The following CADPS variants were observed in gnomAD, a reference collection of about 807,000 sequenced individuals.
CADPS encodes calcium dependent secretion activator.
In CADPS, 57 loss-of-function variants were observed where a neutral mutation model predicts 167.3. That is an observed-to-expected ratio of 0.34 (90% CI 0.28 to 0.42). The LOEUF (loss-of-function observed/expected upper bound fraction) is 0.42. CADPS is among the 20% of genes least tolerant of loss of function. The pLI, the probability that CADPS is intolerant of heterozygous loss-of-function variation, is 1.00. For missense variants in CADPS, 1,414 were observed against 1,738.1 expected, an observed-to-expected ratio of 0.81 and a Z score of 3.32; for synonymous variants, 676 against 635.3, an observed-to-expected ratio of 1.06 and a Z score of -0.96.
intron 28 of CADPS, among the ~76,000 whole-genome samples, chr3:62,419,243 C>A (rs2050811871): frequency 6.6e-6 from 1 of 152,154 alleles, no homozygotes. Flanking sequence ...GCCTTGTCTG[C>A]CACCTGTGTC....
chr3:62,599,748 C>CATATATATAATA (rs2059542281), intron 6 of CADPS, among the ~76,000 whole-genome samples: 1 of 17,368 alleles, frequency 5.8e-5, no homozygotes, highest in Non-Finnish European at 9.9e-5. Context: ...TATATATAAT[C>CATATATATAATA]TATTATATAT....
chr3:62,776,101 G>T lies in CADPS; in HGVS notation c.442-10117C>A, dbSNP rs146179622. On this transcript the variant is annotated intron_variant, in intron 1 of 29. Transcript: ENST00000383710. ...GGAAAATCACCTTGCAGACTTCCAG[G>T]GTCATGTGGACTATGCTTCCAGAAC... Among the ~76,000 whole-genome samples, 1,240 of 152,226 alleles carry T rather than the reference G, an allele frequency of 8.1e-3. 19 individuals carry two copies. Among genetic ancestry groups the T allele is most frequent in the African/African-American group, 0.029 (1,188 of 41,538 alleles).
At chr3:62,660,737 ATC>A (rs2073003774) in intron 4 of CADPS, among the ~76,000 whole-genome samples, 1 of 152,216 alleles carries the variant, frequency 6.6e-6, no homozygotes, top group Admixed American at 6.5e-5. Context: ...TACAGTAGGA[ATC>A]ATCAGGAGCC....
intron 22 of CADPS, among the ~76,000 whole-genome samples, chr3:62,479,418 C>G (rs2061698985): frequency 6.6e-6 from 1 of 152,210 alleles, no homozygotes; most frequent in African/African-American, 2.4e-5. Context: ...ATAAAATGTC[C>G]AACACACCAT....
rs558697572 is a variant in CADPS at position 62,617,664 on chromosome 3, GA to G, written c.1326-24917del. 5.9e-5 allele frequency among the ~76,000 whole-genome samples: 9 copies of G among 152,206 alleles called. 1 individual carries two copies. In the South Asian group the frequency reaches 1.9e-3, roughly 32 times the overall value. ...GAGCTTATTTAATTTGGGGATGAGA[GA>G]GGGGAAGGCTGTTCAGTATCCCTGT... is the stretch of plus-strand genomic sequence containing the variant. On this transcript the variant is annotated intron_variant, in intron 6 of 29. Transcript: ENST00000383710.
intron 1 of CADPS, among the ~76,000 whole-genome samples, chr3:62,804,402 A>G (rs1321957695): frequency 1.3e-5 from 2 of 152,132 alleles, no homozygotes; most frequent in Non-Finnish European, 2.9e-5. Context: ...GATTCTGGGT[A>G]GAATAGGGCT....
intron 1 of CADPS, among the ~76,000 whole-genome samples, chr3:62,854,285 C>A (rs964553390): frequency 6.6e-6 from 1 of 152,206 alleles, no homozygotes; most frequent in African/African-American, 2.4e-5. Flanking sequence ...AACTTTCTCT[C>A]TATGCATTCC....
intron 1 of CADPS, among the ~76,000 whole-genome samples, chr3:62,814,045 A>C (rs1326164644): frequency 6.6e-6 from 1 of 152,178 alleles, no homozygotes; most frequent in Non-Finnish European, 1.5e-5. Flanking sequence ...GATACCATAG[A>C]AACTTCGAAA....
intron 3 of CADPS, among the ~76,000 whole-genome samples, chr3:62,666,145 G>T (rs1467040417): frequency 1.3e-5 from 2 of 152,128 alleles, no homozygotes; most frequent in Non-Finnish European, 2.9e-5. Flanking sequence ...AATTTCCCTG[G>T]CTTTTCTGTC....
intron 21 of CADPS, among the ~76,000 whole-genome samples, chr3:62,487,318 A>T (rs1254062787): frequency 2.0e-5 from 3 of 152,316 alleles, no homozygotes; most frequent in South Asian, 4.1e-4. Context: ...GCTTATTACC[A>T]ATGAGCTAAC....
intron 1 of CADPS, among the ~76,000 whole-genome samples, chr3:62,800,401 C>T (rs1269098826): frequency 2.0e-5 from 3 of 152,102 alleles, no homozygotes; most frequent in Non-Finnish European, 4.4e-5. Context: ...AGGGGTACCA[C>T]TCCCTTTGAA....
chr3:62,863,913 A>G (rs2081248879), intron 1 of CADPS, among the ~76,000 whole-genome samples: 3 of 152,202 alleles, frequency 2.0e-5, no homozygotes, highest in Non-Finnish European at 4.4e-5. Context: ...GGATGAGAAG[A>G]AAAATTGTAT....
chr3:62,650,797 A>G, intron 5 of CADPS, 50 bp downstream of exon 5: 2 of 1,391,048 alleles, frequency 1.4e-6, no homozygotes, highest in Non-Finnish European at 2.0e-6. Context: ...CTAATCGCCC[A>G]TGTCCTACTT....
chr3:62,564,758 C>A (rs2079825762), intron 9 of CADPS, among the ~76,000 whole-genome samples: 1 of 151,840 alleles, frequency 6.6e-6, no homozygotes, highest in Non-Finnish European at 1.5e-5. Context: ...AGGCACATGC[C>A]ACCATGCCCA....
chr3:62,731,563 G>C (rs1219976558), intron 3 of CADPS, among the ~76,000 whole-genome samples: 1 of 152,028 alleles, frequency 6.6e-6, no homozygotes, highest in Non-Finnish European at 1.5e-5. Flanking sequence ...ACAAGAAAGA[G>C]TCCCCTATAC....
chr3:62,704,987 A>G (rs914591813), intron 3 of CADPS, among the ~76,000 whole-genome samples: 2 of 152,136 alleles, frequency 1.3e-5, no homozygotes, highest in Admixed American at 6.5e-5. Flanking sequence ...AACACCCCTC[A>G]TCAGTGAACC....
intron 3 of CADPS, among the ~76,000 whole-genome samples, chr3:62,684,312 T>C (rs1272680540): frequency 6.6e-6 from 1 of 152,084 alleles, no homozygotes; most frequent in Non-Finnish European, 1.5e-5. Context: ...TGGCTCCCAG[T>C]TCCCCTTGAC....
rs2059000211 is a variant in CADPS, at chr3:62,458,807, G to T, written c.3636+6560C>A. Among the ~76,000 whole-genome samples, 1 of 152,168 alleles carries T rather than the reference G, an allele frequency of 6.6e-6. No individual in the cohort carries two copies. Among genetic ancestry groups the T allele is most frequent in the South Asian group, 2.1e-4 (1 of 4,828 alleles). ...TTTCTTTTGTAGCTAGCATTTCTGT[G>T]ACCTGGTCACTTAGACCACACAGTC... On this transcript the variant is annotated intron_variant, in intron 26 of 29. Coordinates refer to ENST00000383710, the MANE Select transcript of CADPS (RefSeq NM_003716.4). This position sits in a 1 kb window ranked among gnomAD's most constrained non-coding sequence, Gnocchi z 4.6.
intron 1 of CADPS, among the ~76,000 whole-genome samples, chr3:62,817,010 TA>T (rs2094648359): frequency 6.6e-6 from 1 of 152,042 alleles, no homozygotes; most frequent in Non-Finnish European, 1.5e-5. Flanking sequence ...AGGAATCAGA[TA>T]AAATAGTCCA....
Sources: gnomAD v4.1 joint callset for allele counts (sites outside exome capture counted in the v4.1 genomes callset) on GRCh38, gnomAD v4.1.1 for gene constraint, Gnocchi (gnomAD v3.1) non-coding constraint, MANE v1.5 for transcripts, NCBI Gene and HGNC (gene_info 2026-07-23, HGNC 2026-07-21) for gene names.